Variants in BLOC1S3 observed in about 807,000 individuals in gnomAD.
BLOC1S3 encodes biogenesis of lysosomal organelles complex 1 subunit 3, also known as biogenesis of lysosome-related organelles complex 1 subunit 3.
In BLOC1S3, 7 loss-of-function variants were observed where a neutral mutation model predicts 9.1. The observed-to-expected ratio is 0.77, with a 90% confidence interval of 0.44 to 1.45. The LOEUF is 1.45. Ranked by LOEUF, BLOC1S3 falls within the 40% of genes most tolerant of loss-of-function variation. BLOC1S3 has a pLI of 0.01. For missense variants in BLOC1S3, 307 were observed against 315.2 expected (o/e 0.97, Z 0.20); for synonymous variants, 145 against 158.4 (o/e 0.92, Z 0.64).
intron 3 of BLOC1S3, among the ~76,000 whole-genome samples, chr19:45,204,389 C>T (rs1969712761): frequency 6.6e-6 from 1 of 151,894 alleles, no homozygotes; most frequent in South Asian, 2.1e-4. Context: ...GACAGGGTTT[C>T]ACCAAGTTGG....
intron 3 of BLOC1S3, among the ~76,000 whole-genome samples, chr19:45,206,527 C>T (rs550387812): frequency 5.9e-4 from 75 of 126,498 alleles, no homozygotes; most frequent in African/African-American, 2.2e-3. Flanking sequence ...GTGATCATGG[C>T]TCACTTCTGC....
chr19:45,179,500 G>T lies in BLOC1S3; in HGVS notation c.204G>T (p.Glu68Asp), dbSNP rs772501967. ...CCGCGGAGACCGACTCGGAGCCGGA[G>T]CCGGAGCCGGAACCGACGGCCGCGC... is the stretch of plus-strand genomic sequence containing the variant. Reference protein sequence around the residue: ...GEAAETDSEPEPEPEPTAAPR... With the variant: ...GEAAETDSEPDPEPEPTAAPR... The change falls in exon 2 of 2, where the codon GAG becomes GAT. Residue 68 changes from glutamate (E) to aspartate (D), a missense_variant. Coordinates refer to ENST00000433642, the MANE Select transcript of BLOC1S3 (RefSeq NM_212550.5). The surrounding 1 kb of genome is among the most constrained non-coding windows in gnomAD (Gnocchi z 4.6). 40 of 1,523,792 alleles carry T rather than the reference G, an allele frequency of 2.6e-5. No homozygotes were observed. In the East Asian group the frequency reaches 8.8e-4, roughly 34 times the overall value. The allele number at this position is 1,523,792 out of a possible 1,614,324, so 94.4% of individuals were successfully genotyped here. A position where few individuals can be genotyped will look rare whatever the true frequency, so the allele number is the denominator to read the frequency against.
intron 3 of BLOC1S3, chr19:45,216,042 G>C (rs200217798): frequency 3.7e-6 from 6 of 1,610,712 alleles, no homozygotes; most frequent in Admixed American, 1.7e-5. Flanking sequence ...GGCCAGGCAC[G>C]GCGAGCCCTG....
intron 2 of BLOC1S3, among the ~76,000 whole-genome samples, chr19:45,196,609 T>A (rs1307834268): frequency 1.3e-5 from 2 of 152,056 alleles, no homozygotes; most frequent in Non-Finnish European, 2.9e-5. Context: ...GAAAAAACTC[T>A]TAGCCGGGAG....
chr19:45,179,203 C>T lies in BLOC1S3; in HGVS notation c.-9-85C>T. ...GACACCAAGTCGTTAAGAGAATCAG[C>T]GAAGGGGCTGGGAATCCAGGACCTG... On this transcript the variant is annotated intron_variant, in intron 1 of 1. Coordinates refer to ENST00000433642, the MANE Select transcript of BLOC1S3 (RefSeq NM_212550.5). This position sits in a 1 kb window ranked among gnomAD's most constrained non-coding sequence, Gnocchi z 4.6. The T allele has an allele frequency of 1.5e-6, 2 of 1,372,178 alleles. No individual in the cohort carries two copies. The highest frequency in any genetic ancestry group is 1.6e-5 in the South Asian group (1 of 62,494). 85.0% of individuals were successfully genotyped at this position (1,372,178 alleles called of 1,614,324 possible).
chr19:45,216,897 C>T (rs1000026004), exon 4 of BLOC1S3: 1 of 151,102 alleles, frequency 6.6e-6, no homozygotes. Flanking sequence ...TGAATGAGGC[C>T]CTTCCAGCCC....
chr19:45,194,648 CCTT>C (rs780864494), intron 2 of BLOC1S3, among the ~76,000 whole-genome samples: 32 of 152,250 alleles, frequency 2.1e-4, no homozygotes, highest in South Asian at 8.3e-4. Context: ...ACACGAATGA[CCTT>C]CTGCTGTACA....
chr19:45,213,727 C>A (rs1969803735), intron 3 of BLOC1S3, among the ~76,000 whole-genome samples: 1 of 151,840 alleles, frequency 6.6e-6, no homozygotes, highest in African/African-American at 2.4e-5. Context: ...GGCGGATCAC[C>A]TGAGGTCAGG....
chr19:45,192,192 G>A (rs901940099), intron 2 of BLOC1S3, among the ~76,000 whole-genome samples: 6 of 151,988 alleles, frequency 3.9e-5, no homozygotes, highest in East Asian at 1.9e-4. Flanking sequence ...CTCTCCCTGT[G>A]GCCACCACTG....
At chr19:45,183,644 T>G (rs1418103855), downstream of BLOC1S3, among the ~76,000 whole-genome samples, 6 of 141,628 alleles carry the variant, frequency 4.2e-5, no homozygotes, top group Admixed American at 2.8e-4. Context: ...TTTTTTTTTT[T>G]GATATGGAGT....
rs1354411310 is a variant in BLOC1S3 at position 45,179,860 on chromosome 19, C to T, written c.564C>T (p.Gly188=). The T allele has an allele frequency of 6.2e-7, 1 of 1,609,618 alleles. No homozygotes were observed. The highest frequency in any genetic ancestry group is 8.5e-7 in the Non-Finnish European group (1 of 1,178,628). Residue 188 remains glycine, a synonymous_variant, in exon 2 of 2, where the codon GGC becomes GGT. Transcript: ENST00000433642. The surrounding 1 kb of genome is among the most constrained non-coding windows in gnomAD (Gnocchi z 4.6). ...GCCGCCTGCTGCCGGACATCCGCGG[C>T]GTGCCAGGGACCGAGCCTGAGAAAG... ...AGCRLLPDIR[G]VPGTEPEKDP... is the part of the protein sequence containing the mutation.
chr19:45,199,459 G>C (rs1485093343), intron 2 of BLOC1S3, among the ~76,000 whole-genome samples: 3 of 151,412 alleles, frequency 2.0e-5, no homozygotes, highest in African/African-American at 7.3e-5. Context: ...GGGATTACAG[G>C]TGCCTGCCAC....
chr19:45,189,398 T>C (rs953822843), intron 2 of BLOC1S3, among the ~76,000 whole-genome samples: 16 of 151,894 alleles, frequency 1.1e-4, no homozygotes, highest in Non-Finnish European at 1.5e-5. Context: ...CTTTGGGAGT[T>C]TGATTATTAA....
intron 2 of BLOC1S3, among the ~76,000 whole-genome samples, chr19:45,200,863 T>G (rs1213909676): frequency 6.6e-6 from 1 of 152,186 alleles, no homozygotes; most frequent in Non-Finnish European, 1.5e-5. Context: ...TGTATCTGCA[T>G]TAGGGGGCAC....
At chr19:45,216,440 G>A (rs1200622591) in intron 3 of BLOC1S3, among the ~76,000 whole-genome samples, 7 of 152,016 alleles carry the variant, frequency 4.6e-5, no homozygotes, top group Non-Finnish European at 7.4e-5. Flanking sequence ...TTAGCCAGGC[G>A]TGGTGGTGCA....
intron 2 of BLOC1S3, among the ~76,000 whole-genome samples, chr19:45,201,890 T>C (rs1366298823): frequency 6.6e-6 from 1 of 152,054 alleles, no homozygotes; most frequent in Admixed American, 6.6e-5. Flanking sequence ...GGAAACCCCT[T>C]TGGCTTGGTT....
intron 2 of BLOC1S3, among the ~76,000 whole-genome samples, chr19:45,192,370 G>C (rs1020655010): frequency 1.3e-5 from 2 of 152,132 alleles, no homozygotes; most frequent in African/African-American, 2.4e-5. Context: ...AAGAGCCAAG[G>C]CCTGGAATCA....
chr19:45,198,116 C>A lies in BLOC1S3; in HGVS notation n.181-4290C>A, dbSNP rs146982764. 1.4e-3 allele frequency among the ~76,000 whole-genome samples: 207 copies of A among 152,234 alleles called. 1 individual carries two copies. The highest frequency in any genetic ancestry group is 3.4e-3 in the Middle Eastern group (1 of 294). Reference sequence around the variant, plus strand: ...CTTGCATCTGTCTCACCCTGCAGGGCAGAGCGAGAGCAAATGGGAACCCCC... The same window carrying A: ...CTTGCATCTGTCTCACCCTGCAGGGAAGAGCGAGAGCAAATGGGAACCCCC... On this transcript the variant is annotated intron_variant and non_coding_transcript_variant, in intron 2 of 3. Coordinates refer to the BLOC1S3 transcript ENST00000591569.
intron 2 of BLOC1S3, among the ~76,000 whole-genome samples, chr19:45,193,809 GT>G (rs896618938): frequency 7.7e-6 from 1 of 129,566 alleles, no homozygotes; most frequent in African/African-American, 2.9e-5. Context: ...TGTTGTTGTT[GT>G]TTTTGTTTTT....
Sources: allele counts gnomAD v4.1 joint callset (sites outside exome capture counted in the v4.1 genomes callset), GRCh38; gene constraint gnomAD v4.1.1; non-coding constraint Gnocchi (gnomAD v3.1); transcripts MANE v1.5; gene names NCBI Gene and HGNC (gene_info 2026-07-23, HGNC 2026-07-21).